Variants in UBE2W observed in about 807,000 individuals in gnomAD.
UBE2W encodes the protein ubiquitin-conjugating enzyme E2 W.
A neutral mutation model predicts 27.2 loss-of-function variants in UBE2W; 18 were observed. That is an observed-to-expected ratio of 0.66 (90% confidence interval 0.46 to 0.98). The LOEUF is 0.98. Ranked by LOEUF, UBE2W falls within the 50% of genes least tolerant of loss-of-function variation. The probability of loss-of-function intolerance (pLI) is 0.00; values close to 1 mark genes in which losing one functional copy is unlikely to be tolerated. For missense variants in UBE2W, 90 were observed against 180.2 expected (o/e 0.50, Z 2.87); for synonymous variants, 53 against 57.2 (o/e 0.93, Z 0.33).
At chr8:73,782,394 C>T (rs1310137497), downstream of UBE2W, among the ~76,000 whole-genome samples, 1 of 152,050 alleles carries the variant, frequency 6.6e-6, no homozygotes, top group African/African-American at 2.4e-5. Context: ...GTTTCTTCCC[C>T]TTTGTAATCT....
In UBE2W at chr8:73,805,676, T is replaced by C. The variant is rs748680048; in HGVS notation, c.417A>G (p.Pro139=). Residue 139 remains proline, a synonymous_variant, in exon 5 of 6, where the codon CCA becomes CCG. Coordinates refer to ENST00000602593, the MANE Select transcript of UBE2W (RefSeq NM_018299.6). ...SFYVRTCNKN[P]KKTKWWYHDD... is the part of the protein sequence containing the mutation. ...CATGATACCACCATTTTGTTTTCTTTGGATTCTTGTTACATGTTCGCACAT... is the reference window on the plus strand; with the variant it reads ...CATGATACCACCATTTTGTTTTCTTCGGATTCTTGTTACATGTTCGCACAT... 1.5e-5 allele frequency: 23 copies of C among 1,549,816 alleles called. No homozygotes were observed. Among genetic ancestry groups the C allele is most frequent in the Non-Finnish European group, 1.7e-5 (20 of 1,143,498 alleles).
intron 3 of UBE2W, 127 bp from the exon 4 acceptor site, chr8:73,810,756 T>C (rs759039583): frequency 1.5e-4 from 97 of 654,106 alleles, no homozygotes; most frequent in Non-Finnish European, 2.1e-4. Context: ...GCCAGGAACA[T>C]GATAAACAAC....
chr8:73,870,218 T>G, intron 1 of UBE2W: 3 of 1,549,402 alleles, frequency 1.9e-6, no homozygotes, highest in Non-Finnish European at 2.6e-6. Context: ...ACAATTTTAT[T>G]TGACTAATTC....
chr8:73,781,800 G>A (rs1303089329), downstream of UBE2W, among the ~76,000 whole-genome samples: 1 of 151,542 alleles, frequency 6.6e-6, no homozygotes, highest in African/African-American at 2.4e-5. Flanking sequence ...GCTAGACTCA[G>A]GTTTTAAATT....
rs1807997151 is a variant in UBE2W, at chr8:73,787,325, A to G, written c.*6777T>C. ...TTATGTTAGTGTGAAAATGAGTAAG[A>G]AATATAGGGAGGACATAAACAGAGT... On this transcript the variant is annotated 3_prime_UTR_variant, in exon 6 of 6. Transcript: ENST00000602593. The G allele has an allele frequency of 2.0e-6, 2 of 985,432 alleles. No homozygotes were observed. Among genetic ancestry groups the G allele is most frequent in the African/African-American group, 3.5e-5 (2 of 57,350 alleles). The allele number at this position is 985,432 out of a possible 1,614,324, so 61.0% of individuals were successfully genotyped here. A position where few individuals can be genotyped will look rare whatever the true frequency, so the allele number is the denominator to read the frequency against.
chr8:73,786,074 G>A (rs1411962284), downstream of UBE2W: 2 of 401,732 alleles, frequency 5.0e-6, no homozygotes, highest in South Asian at 1.1e-4. Context: ...TCTGCTTAAT[G>A]CTGGTTTTTA....
At chr8:73,821,087 T>C (rs1171052118) in intron 3 of UBE2W, among the ~76,000 whole-genome samples, 1 of 152,174 alleles carries the variant, frequency 6.6e-6, no homozygotes. Context: ...AATTACTACA[T>C]AGATAAATAG....
intron 1 of UBE2W, among the ~76,000 whole-genome samples, chr8:73,843,003 GA>G (rs1810610273): frequency 1.3e-5 from 2 of 152,154 alleles, no homozygotes; most frequent in Admixed American, 1.3e-4. Flanking sequence ...CAAAAAGAAT[GA>G]AGTACTGACT....
chr8:73,838,617 T>A (rs984460897), intron 1 of UBE2W, among the ~76,000 whole-genome samples: 9 of 152,132 alleles, frequency 5.9e-5, no homozygotes, highest in African/African-American at 2.2e-4. Context: ...TCCTAAAACT[T>A]TTTTCTGCTT....
intron 1 of UBE2W, among the ~76,000 whole-genome samples, chr8:73,855,449 TG>T (rs1411229155): frequency 6.8e-5 from 10 of 147,684 alleles, no homozygotes; most frequent in Non-Finnish European, 1.5e-4. Flanking sequence ...TCACCCATGC[TG>T]GAGTGCAGTG....
intron 1 of UBE2W, among the ~76,000 whole-genome samples, chr8:73,869,940 T>C (rs1350705778): frequency 6.6e-6 from 1 of 151,982 alleles, no homozygotes; most frequent in African/African-American, 2.4e-5. Context: ...TCTCACAAAA[T>C]ACCCAGAATA....
intron 1 of UBE2W, among the ~76,000 whole-genome samples, chr8:73,838,089 C>G (rs1027502995): frequency 6.6e-6 from 1 of 151,982 alleles, no homozygotes; most frequent in African/African-American, 2.4e-5. Flanking sequence ...TCTAAGATAC[C>G]CAAGGTTTAC....
intron 1 of UBE2W, among the ~76,000 whole-genome samples, chr8:73,866,134 G>C (rs528046308): frequency 7.2e-5 from 11 of 151,770 alleles, no homozygotes; most frequent in African/African-American, 2.4e-4. Context: ...AGCCGGGTGT[G>C]GCAGCGCGTG....
chr8:73,874,529 C>G (rs758417876), intron 1 of UBE2W, among the ~76,000 whole-genome samples: 1 of 152,186 alleles, frequency 6.6e-6, no homozygotes, highest in African/African-American at 2.4e-5. Flanking sequence ...CTCAATACTG[C>G]TACACTTTCA....
chr8:73,829,667 C>T (rs1187179000), intron 2 of UBE2W, among the ~76,000 whole-genome samples: 1 of 151,680 alleles, frequency 6.6e-6, no homozygotes, highest in Non-Finnish European at 1.5e-5. Context: ...GATACAAATG[C>T]CAAAGTCAAA....
At chr8:73,850,725 T>TAAAAA (rs11318665) in intron 1 of UBE2W, among the ~76,000 whole-genome samples, 11 of 63,586 alleles carry the variant, frequency 1.7e-4, no homozygotes, top group Non-Finnish European at 2.4e-4. Context: ...AGCAGGACAT[T>TAAAAA]AAAAAAAAAA....
chr8:73,801,825 T>C (rs886542774), intron 5 of UBE2W, among the ~76,000 whole-genome samples: 3 of 152,178 alleles, frequency 2.0e-5, no homozygotes, highest in African/African-American at 7.2e-5. Context: ...TCAGAAACAA[T>C]AGTTCTCAGA....
chr8:73,795,464 A>G (rs543598928), intron 5 of UBE2W, among the ~76,000 whole-genome samples: 33 of 152,316 alleles, frequency 2.2e-4, no homozygotes, highest in Non-Finnish European at 3.7e-4. Flanking sequence ...AGCAAATGCC[A>G]GCACTATGCT....
At chr8:73,807,902 A>T in intron 4 of UBE2W, among the ~76,000 whole-genome samples, 1 of 152,228 alleles carries the variant, frequency 6.6e-6, no homozygotes, top group East Asian at 1.9e-4. Context: ...TGGGATACAA[A>T]CTGAAAAGTT....
Sources: gnomAD v4.1 joint callset for allele counts (sites outside exome capture counted in the v4.1 genomes callset) on GRCh38, gnomAD v4.1.1 for gene constraint, MANE v1.5 for transcripts, NCBI Gene and HGNC (gene_info 2026-07-23, HGNC 2026-07-21) for gene names.